ZNF225: variants seen among roughly 807,000 people sequenced by gnomAD.
ZNF225 encodes zinc finger protein 225.
In ZNF225, 6 loss-of-function variants were observed where a neutral mutation model predicts 12.0. The observed-to-expected ratio is 0.50, with a 90% CI of 0.27 to 0.98. The LOEUF is 0.98. Ranked by LOEUF, ZNF225 falls within the 50% of genes least tolerant of loss-of-function variation. The pLI, the probability that ZNF225 is intolerant of heterozygous loss-of-function variation, is 0.11. For missense variants in ZNF225, 763 were observed against 848.2 expected, an observed-to-expected ratio of 0.90 and a Z score of 1.25; for synonymous variants, 271 against 283.2, an observed-to-expected ratio of 0.96 and a Z score of 0.43.
chr19:44,127,608 G>A (rs188457208), intron 4 of ZNF225, among the ~76,000 whole-genome samples: 3 of 151,996 alleles, frequency 2.0e-5, no homozygotes, highest in South Asian at 2.1e-4. Context: ...ATATTCATCC[G>A]TGGAAAGAAA....
intron 1 of ZNF225, among the ~76,000 whole-genome samples, chr19:44,114,552 C>T (rs1228149790): frequency 6.6e-6 from 1 of 152,136 alleles, no homozygotes; most frequent in Non-Finnish European, 1.5e-5. Context: ...GCTCTTGTCG[C>T]CCAGGCTGTA....
At chr19:44,126,043 C>G (rs1310203335) in intron 4 of ZNF225, among the ~76,000 whole-genome samples, 1 of 151,992 alleles carries the variant, frequency 6.6e-6, no homozygotes, top group Admixed American at 6.5e-5. Flanking sequence ...TCAGGTAAAT[C>G]AGGGATTTCT....
At chr19:44,114,624 C>T (rs963767518) in intron 1 of ZNF225, among the ~76,000 whole-genome samples, 5 of 152,162 alleles carry the variant, frequency 3.3e-5, no homozygotes, top group African/African-American at 1.2e-4. Context: ...TATTCTCCTG[C>T]CTCAGCCTCC....
At chr19:44,121,132 C>T (rs373412816) in intron 4 of ZNF225, among the ~76,000 whole-genome samples, 11 of 152,244 alleles carry the variant, frequency 7.2e-5, no homozygotes, top group African/African-American at 2.4e-4. Context: ...CTCCTGACCT[C>T]GTGATCCACC....
At chr19:44,123,879 G>A (rs532001807) in intron 4 of ZNF225, among the ~76,000 whole-genome samples, 1 of 151,970 alleles carries the variant, frequency 6.6e-6, no homozygotes, top group East Asian at 1.9e-4. Flanking sequence ...GGATTTTCTC[G>A]CTTATTTTCT....
In ZNF225 at chr19:44,131,328, G is replaced by C. The variant is rs888236900; in HGVS notation, c.714G>C (p.Gly238=). 1 of 1,614,074 alleles carries C rather than the reference G, an allele frequency of 6.2e-7. No individual in the cohort carries two copies. The highest frequency in any genetic ancestry group is 1.3e-5 in the African/African-American group (1 of 75,010). Residue 238 remains glycine, a synonymous_variant, in exon 5 of 5, where the codon GGG becomes GGC. Transcript: ENST00000262894. ...GEKPFKCEQC[G]KGFSRRSGLY... ...AACCATTCAAATGTGAGCAGTGTGG[G>C]AAAGGCTTTAGTCGTAGATCAGGAC... is the stretch of plus-strand genomic sequence containing the variant.
In ZNF225 at chr19:44,132,115, AC is replaced by A; in HGVS notation, c.1504del (p.His502IlefsTer36). 2 of 1,613,988 alleles carry A rather than the reference AC, an allele frequency of 1.2e-6. No homozygotes were observed. Among genetic ancestry groups the A allele is most frequent in the Non-Finnish European group, 1.7e-6 (2 of 1,179,908 alleles). On this transcript the variant is annotated frameshift_variant, in exon 5 of 5. Coordinates refer to ENST00000262894, the MANE Select transcript of ZNF225 (RefSeq NM_013362.4). LOFTEE classifies it low-confidence loss of function (END_TRUNC). ...ATTTACTCAGAATTCACAACTTTAT[AC>A]CCATCGTAGAGTCCACAGTGGAGAA... ...KRFTQNSQLY[T>X]HRRVHSGEKP...
intron 4 of ZNF225, chr19:44,130,611 T>C: frequency 2.9e-6 from 1 of 341,052 alleles, no homozygotes; most frequent in Non-Finnish European, 5.1e-6. Flanking sequence ...GGCGGGAGAA[T>C]GGTGTGAACA....
In ZNF225 at chr19:44,131,635, G is replaced by A; in HGVS notation, c.1021G>A (p.Glu341Lys). Reference protein sequence around the residue: ...LNSHRMVHTGEKRYKCEECGK... With the variant: ...LNSHRMVHTGKKRYKCEECGK... ...TAGTCATCGCATGGTCCACACAGGA[G>A]AGAAACGGTACAAATGTGAGGAATG... The change falls in exon 5 of 5, where the codon GAG (glutamate) becomes AAG (lysine). Residue 341 changes from glutamate to lysine, a missense_variant. Glu to Lys is a moderately conservative substitution (Grantham distance 56). Transcript: ENST00000262894. 1 of 1,614,116 alleles carries A rather than the reference G, an allele frequency of 6.2e-7. No homozygotes were observed. Among genetic ancestry groups the A allele is most frequent in the Non-Finnish European group, 8.5e-7 (1 of 1,179,958 alleles).
chr19:44,132,127 G>A lies in ZNF225; in HGVS notation c.1513G>A (p.Val505Ile), dbSNP rs535095732. ...QNSQLYTHRRVHSGEKPFKCE... is the reference protein window; with the variant it reads ...QNSQLYTHRRIHSGEKPFKCE... ...TTCACAACTTTATACCCATCGTAGAGTCCACAGTGGAGAAAAACCATTCAA... is the reference window on the plus strand; with the variant it reads ...TTCACAACTTTATACCCATCGTAGAATCCACAGTGGAGAAAAACCATTCAA... Residue 505 changes from valine (V) to isoleucine (I), a missense_variant, in exon 5 of 5, where the codon GTC becomes ATC. Transcript: ENST00000262894. 2 of 1,614,080 alleles carry A rather than the reference G, an allele frequency of 1.2e-6. No homozygotes were observed. The highest frequency in any genetic ancestry group is 2.2e-5 in the East Asian group (1 of 44,880).
At chr19:44,114,910 G>T (rs1967909656) in intron 1 of ZNF225, among the ~76,000 whole-genome samples, 1 of 152,008 alleles carries the variant, frequency 6.6e-6, no homozygotes, top group East Asian at 1.9e-4. Context: ...AGTCATGTTT[G>T]TCAGATTTCC....
intron 4 of ZNF225, among the ~76,000 whole-genome samples, chr19:44,120,933 G>A (rs1281550021): frequency 6.6e-6 from 1 of 150,800 alleles, no homozygotes; most frequent in Admixed American, 6.6e-5. Flanking sequence ...GTCTCGCTCT[G>A]TTGCCCAGGC....
At chr19:44,115,732 T>C in intron 1 of ZNF225, 28 bp from the exon 2 acceptor site, 1 of 1,288,998 alleles carries the variant, frequency 7.8e-7, no homozygotes, top group Non-Finnish European at 1.1e-6. Flanking sequence ...TTCATGTCTC[T>C]TTTTCTGCCT....
rs1968325808 is a variant in ZNF225 at position 44,133,272 on chromosome 19, C to G, written c.*537C>G. ...ACTTAGGTTGATTACATACCTTGGC[C>G]TATTTCTTGGCTATCGTGAATGGTG... On this transcript the variant is annotated 3_prime_UTR_variant, in exon 5 of 5. Coordinates refer to ENST00000262894, the MANE Select transcript of ZNF225 (RefSeq NM_013362.4). 1.3e-5 allele frequency: 2 copies of G among 152,978 alleles called. No homozygotes were observed. The allele number at this position is 152,978 out of a possible 1,614,324, so 9.5% of individuals were successfully genotyped here.
At chr19:44,118,961 T>C (rs562290621) in intron 4 of ZNF225, among the ~76,000 whole-genome samples, 4,523 of 152,006 alleles carry the variant, frequency 0.03, 229 homozygotes, top group African/African-American at 0.1. Context: ...GGAATACAGA[T>C]GCCCGCCACC....
chr19:44,115,901 G>A (rs773382792), intron 2 of ZNF225, 59 bp downstream of exon 2: 121 of 1,575,196 alleles, frequency 7.7e-5, no homozygotes, highest in Non-Finnish European at 9.7e-5. Context: ...TTGTTCTGTC[G>A]CCAAGGCTGG....
At chr19:44,116,197 T>A (rs1967939031) in intron 2 of ZNF225, among the ~76,000 whole-genome samples, 1 of 152,236 alleles carries the variant, frequency 6.6e-6, no homozygotes, top group African/African-American at 2.4e-5. Context: ...TCACAGGTTC[T>A]TCTCAGTCTT....
chr19:44,132,349 C>T lies in ZNF225; in HGVS notation c.1735C>T (p.Arg579Trp), dbSNP rs376725542. The T allele has an allele frequency of 1.9e-5, 30 of 1,613,814 alleles. No individual in the cohort carries two copies. The East Asian group carries it at 2.5e-4, about 13-fold the overall frequency. The change falls in exon 5 of 5, where the codon CGG (arginine) becomes TGG (tryptophan). Residue 579 changes from arginine (R) to tryptophan (W), a missense_variant. Coordinates refer to ENST00000262894, the MANE Select transcript of ZNF225 (RefSeq NM_013362.4). Reference protein sequence around the residue: ...NCKECGKSFSRASSILNHKRL... With the variant: ...NCKECGKSFSWASSILNHKRL... ...TAAAGAATGTGGGAAGAGCTTTAGC[C>T]GGGCCTCAAGTATTTTGAATCATAA...
rs1968324154 is a variant in ZNF225, at chr19:44,133,216, C to T, written c.*481C>T. 1 of 153,482 alleles carries T rather than the reference C, an allele frequency of 6.5e-6. No individual in the cohort carries two copies. 9.5% of individuals were successfully genotyped at this position (153,482 alleles called of 1,614,324 possible). On this transcript the variant is annotated 3_prime_UTR_variant, in exon 5 of 5. Coordinates refer to ENST00000262894, the MANE Select transcript of ZNF225 (RefSeq NM_013362.4). ...ATAGTACTCTGATGTGTATATTTGC[C>T]CCATTTTCTTTATTCATTCATCCAG...
Sources: allele counts gnomAD v4.1 joint callset (sites outside exome capture counted in the v4.1 genomes callset), GRCh38; gene constraint gnomAD v4.1.1; transcripts MANE v1.5; gene names NCBI Gene and HGNC (gene_info 2026-07-23, HGNC 2026-07-21).